CPQ: variants seen among roughly 807,000 people sequenced by gnomAD.
CPQ encodes the protein Ser-Met dipeptidase.
In CPQ, 37 loss-of-function variants were observed where a neutral mutation model predicts 45.7. That is an observed-to-expected ratio of 0.81 (90% CI 0.62 to 1.07). CPQ has a LOEUF of 1.07. Ranked by LOEUF, CPQ falls within the 50% of genes least tolerant of loss-of-function variation. The pLI is 0.00. For missense variants in CPQ, 537 were observed against 572.9 expected, an observed-to-expected ratio of 0.94 and a Z score of 0.64; for synonymous variants, 186 against 205.8, an observed-to-expected ratio of 0.90 and a Z score of 0.82.
chr8:97,012,962 A>G (rs2130442072), intron 5 of CPQ, among the ~76,000 whole-genome samples: 1 of 152,312 alleles, frequency 6.6e-6, no homozygotes, highest in East Asian at 1.9e-4. Context: ...TGAGAGGCCA[A>G]ATACTTTCCT....
intron 3 of CPQ, among the ~76,000 whole-genome samples, chr8:96,852,700 T>C (rs1009337286): frequency 1.3e-5 from 2 of 152,172 alleles, no homozygotes; most frequent in African/African-American, 4.8e-5. Context: ...AAACTAAATT[T>C]GTTCAGGAGA....
chr8:97,004,181 C>A (rs1398937764), intron 5 of CPQ, among the ~76,000 whole-genome samples: 1 of 151,354 alleles, frequency 6.6e-6, no homozygotes, highest in Non-Finnish European at 1.5e-5. Flanking sequence ...CCATTAATAT[C>A]CTTAATACAT....
At chr8:96,959,971 A>G (rs2130352878) in intron 4 of CPQ, among the ~76,000 whole-genome samples, 1 of 152,096 alleles carries the variant, frequency 6.6e-6, no homozygotes, top group South Asian at 2.1e-4. Flanking sequence ...TGTAAAATGA[A>G]GCATACTTTA....
rs145418605 is a variant in CPQ, at chr8:96,778,270, G to A, written c.-34-6594G>A. Among the ~76,000 whole-genome samples the A allele has an allele frequency of 1.6e-4, 24 of 149,766 alleles. No individual in the cohort carries two copies. In the East Asian group the frequency reaches 2.5e-3, roughly 16 times the overall value. On this transcript the variant is annotated intron_variant, in intron 1 of 7. Coordinates refer to ENST00000220763, the MANE Select transcript of CPQ (RefSeq NM_016134.4). ...TTTTGTTACTTCTCCAAATATAGAC[G>A]ATTAGTAATATTCTACTATTTATTA...
chr8:97,029,812 A>G (rs1419968482), intron 6 of CPQ, among the ~76,000 whole-genome samples: 2 of 152,158 alleles, frequency 1.3e-5, no homozygotes, highest in African/African-American at 2.4e-5. Context: ...GTTATAGGCA[A>G]ACATTCCCTC....
intron 7 of CPQ, among the ~76,000 whole-genome samples, chr8:97,127,167 A>G (rs1037225125): frequency 1.3e-5 from 2 of 152,222 alleles, no homozygotes; most frequent in African/African-American, 4.8e-5. Context: ...TAAGTTGGAC[A>G]TCATCGTAAG....
intron 7 of CPQ, among the ~76,000 whole-genome samples, chr8:97,139,093 G>A (rs1192807243): frequency 6.6e-6 from 1 of 152,110 alleles, no homozygotes; most frequent in African/African-American, 2.4e-5. Context: ...ACATACCAGG[G>A]TAATACTCTG....
intron 7 of CPQ, among the ~76,000 whole-genome samples, chr8:97,139,297 A>G (rs1055588722): frequency 6.6e-6 from 1 of 152,152 alleles, no homozygotes; most frequent in African/African-American, 2.4e-5. Flanking sequence ...ACAAAGGGAC[A>G]TTTTCACACA....
At chr8:96,905,615 T>C (rs779537432) in intron 4 of CPQ, among the ~76,000 whole-genome samples, 33 of 152,172 alleles carry the variant, frequency 2.2e-4, no homozygotes, top group Middle Eastern at 3.4e-3. Context: ...TAGGGTTGAA[T>C]TGAGGAAAAG....
At chr8:96,838,309 G>A (rs973642156) in intron 3 of CPQ, among the ~76,000 whole-genome samples, 4 of 152,130 alleles carry the variant, frequency 2.6e-5, no homozygotes, top group Non-Finnish European at 5.9e-5. Context: ...TTTCAAGGGG[G>A]TGGTCAGAAT....
intron 7 of CPQ, among the ~76,000 whole-genome samples, chr8:97,075,528 G>A (rs569649710): frequency 2.0e-5 from 3 of 152,106 alleles, no homozygotes; most frequent in Non-Finnish European, 4.4e-5. Flanking sequence ...CTTAATAATC[G>A]TGAAGATAAG....
intron 4 of CPQ, among the ~76,000 whole-genome samples, chr8:96,958,966 G>A (rs1813404838): frequency 6.6e-6 from 1 of 150,698 alleles, no homozygotes; most frequent in Non-Finnish European, 1.5e-5. Flanking sequence ...GAACCCACAT[G>A]TTTGCTGTGT....
chr8:96,772,963 A>G (rs535434298), intron 1 of CPQ, among the ~76,000 whole-genome samples: 1 of 152,326 alleles, frequency 6.6e-6, no homozygotes, highest in African/African-American at 2.4e-5. Context: ...GTTAGAGCAG[A>G]AATGCCACCC....
chr8:96,879,477 T>C (rs979924200), intron 3 of CPQ, among the ~76,000 whole-genome samples: 1 of 152,194 alleles, frequency 6.6e-6, no homozygotes, highest in African/African-American at 2.4e-5. Context: ...TGTCTCCTTG[T>C]ACAGATGTGT....
chr8:97,021,564 A>C (rs1809683703), intron 5 of CPQ, among the ~76,000 whole-genome samples: 1 of 152,200 alleles, frequency 6.6e-6, no homozygotes, highest in South Asian at 2.1e-4. Flanking sequence ...ATATACCAAT[A>C]GTGACCAAAC....
chr8:96,858,738 G>A (rs1465568187), intron 3 of CPQ, among the ~76,000 whole-genome samples: 2 of 152,140 alleles, frequency 1.3e-5, no homozygotes, highest in Non-Finnish European at 2.9e-5. Flanking sequence ...ATAATTCGTT[G>A]CTTTAAAAAA....
intron 2 of CPQ, among the ~76,000 whole-genome samples, chr8:96,794,322 G>A (rs74545294): frequency 0.016 from 2,393 of 152,282 alleles, 21 homozygotes; most frequent in Middle Eastern, 0.027. Flanking sequence ...ATGCCAAGGC[G>A]TGAGGCTTGT....
chr8:97,138,115 C>T (rs952220845), intron 7 of CPQ, among the ~76,000 whole-genome samples: 4 of 152,178 alleles, frequency 2.6e-5, no homozygotes, highest in African/African-American at 9.7e-5. Flanking sequence ...CTCATTCATC[C>T]TCCCAACCAC....
intron 6 of CPQ, among the ~76,000 whole-genome samples, chr8:97,042,944 GA>G (rs1331611093): frequency 6.6e-6 from 1 of 151,996 alleles, no homozygotes; most frequent in Admixed American, 6.6e-5. Flanking sequence ...GTGTGGTGCT[GA>G]AAAAAATGTA....
Sources: gnomAD v4.1 joint callset for allele counts (sites outside exome capture counted in the v4.1 genomes callset) on GRCh38, gnomAD v4.1.1 for gene constraint, MANE v1.5 for transcripts, NCBI Gene and HGNC (gene_info 2026-07-23, HGNC 2026-07-21) for gene names.